The following ABTB3 variants were observed in gnomAD, a reference collection of about 807,000 sequenced individuals.
ABTB3 encodes the protein ankyrin repeat- and BTB/POZ domain-containing protein 3.
At chr12:107,383,267 A>G in the ABTB3 span, among the ~76,000 whole-genome samples, 1 of 152,236 alleles carries the variant, frequency 6.6e-6, no homozygotes, top group African/African-American at 2.4e-5. Context: ...ATGGCTGGCC[A>G]GAGACCACTC....
At chr12:107,394,325 A>G in the ABTB3 span, among the ~76,000 whole-genome samples, 3 of 152,216 alleles carry the variant, frequency 2.0e-5, no homozygotes, top group Non-Finnish European at 4.4e-5. Context: ...CTATAGAGAC[A>G]TGGCTTTTTC....
the ABTB3 span, among the ~76,000 whole-genome samples, chr12:107,332,534 G>A: frequency 2.2e-4 from 34 of 152,164 alleles, no homozygotes; most frequent in Admixed American, 2.2e-3. Context: ...CTTGAGGAGG[G>A]AATATGGGAT....
the ABTB3 span, among the ~76,000 whole-genome samples, chr12:107,598,156 G>T: frequency 6.6e-6 from 1 of 152,366 alleles, no homozygotes; most frequent in African/African-American, 2.4e-5. Flanking sequence ...ATTGTGTCAT[G>T]CTGGTAAATG....
chr12:107,327,915 C>T, the ABTB3 span, among the ~76,000 whole-genome samples: 6 of 152,278 alleles, frequency 3.9e-5, 1 homozygote. Context: ...GAAAGCTCTG[C>T]CATCTTGGAC....
the ABTB3 span, among the ~76,000 whole-genome samples, chr12:107,343,294 A>G: frequency 9.2e-5 from 14 of 152,252 alleles, no homozygotes; most frequent in Admixed American, 9.2e-4. Context: ...GATTACAGAC[A>G]TGAGCCACCA....
the ABTB3 span, among the ~76,000 whole-genome samples, chr12:107,375,960 T>A: frequency 2.6e-5 from 4 of 152,282 alleles, no homozygotes; most frequent in South Asian, 2.1e-4. Flanking sequence ...CACTTCCCCA[T>A]GCGCCATCTC....
the ABTB3 span, among the ~76,000 whole-genome samples, chr12:107,451,339 G>T: frequency 6.6e-6 from 1 of 152,158 alleles, no homozygotes; most frequent in South Asian, 2.1e-4. Flanking sequence ...AATCTGTATG[G>T]AGAATGTTGA....
the ABTB3 span, among the ~76,000 whole-genome samples, chr12:107,388,380 TTTA>T: frequency 3.0e-4 from 45 of 151,588 alleles, no homozygotes; most frequent in African/African-American, 1.1e-3. Flanking sequence ...CCTTCTATTC[TTTA>T]TTATCTGCCT....
chr12:107,631,276 T>C, the ABTB3 span, among the ~76,000 whole-genome samples: 1 of 152,254 alleles, frequency 6.6e-6, no homozygotes, highest in Non-Finnish European at 1.5e-5. Context: ...GCAAAGGACA[T>C]GATTTCATTC....
the ABTB3 span, among the ~76,000 whole-genome samples, chr12:107,430,310 A>G: frequency 6.6e-6 from 1 of 152,248 alleles, no homozygotes; most frequent in Non-Finnish European, 1.5e-5. Flanking sequence ...ATTTTTGAAC[A>G]TGACATTTGC....
chr12:107,319,785 C>A, the ABTB3 span: 2 of 1,454,112 alleles, frequency 1.4e-6, no homozygotes, highest in Non-Finnish European at 1.8e-6. Context: ...GGTGCGGCCC[C>A]CGCGGCGGAT....
At chr12:107,647,850 C>T in the ABTB3 span, among the ~76,000 whole-genome samples, 3 of 152,184 alleles carry the variant, frequency 2.0e-5, no homozygotes, top group Non-Finnish European at 4.4e-5. Flanking sequence ...ATTCAGGTCC[C>T]CCAGCTTTTA....
the ABTB3 span, among the ~76,000 whole-genome samples, chr12:107,554,187 T>A: frequency 1.3e-5 from 2 of 152,210 alleles, no homozygotes; most frequent in Non-Finnish European, 2.9e-5. Flanking sequence ...GAACATTAAG[T>A]CTTTGATCCT....
chr12:107,489,956 G>T, the ABTB3 span, among the ~76,000 whole-genome samples: 2 of 151,978 alleles, frequency 1.3e-5, no homozygotes, highest in African/African-American at 4.8e-5. Context: ...ACATAAAGAT[G>T]TGTTACAAGA....
At chr12:107,563,034 G>C in the ABTB3 span, among the ~76,000 whole-genome samples, 1 of 152,196 alleles carries the variant, frequency 6.6e-6, no homozygotes, top group Non-Finnish European at 1.5e-5. Context: ...TGAAGTCTTT[G>C]AGGGTCACTG....
the ABTB3 span, among the ~76,000 whole-genome samples, chr12:107,392,956 T>A: frequency 1.3e-5 from 2 of 151,948 alleles, no homozygotes; most frequent in Non-Finnish European, 2.9e-5. Context: ...CTGCAGAAGG[T>A]GAAGGATGGG....
the ABTB3 span, among the ~76,000 whole-genome samples, chr12:107,602,772 C>A: frequency 6.6e-6 from 1 of 152,182 alleles, no homozygotes; most frequent in Non-Finnish European, 1.5e-5. Context: ...CAGAGATCAG[C>A]AGAATGCATT....
At chr12:107,611,957 G>C in the ABTB3 span, among the ~76,000 whole-genome samples, 2 of 152,128 alleles carry the variant, frequency 1.3e-5, no homozygotes, top group Non-Finnish European at 2.9e-5. Context: ...TGTCCCCAAG[G>C]CTGTAATGTT....
the ABTB3 span, among the ~76,000 whole-genome samples, chr12:107,456,938 C>T: frequency 2.1e-4 from 32 of 152,138 alleles, no homozygotes; most frequent in African/African-American, 7.0e-4. Flanking sequence ...CAGTTCACTG[C>T]AGCCTCCACC....
Sources: allele counts gnomAD v4.1 joint callset (sites outside exome capture counted in the v4.1 genomes callset), GRCh38; gene constraint gnomAD v4.1.1; transcripts MANE v1.5; gene names NCBI Gene and HGNC (gene_info 2026-07-23, HGNC 2026-07-21).